The following MAGI2 variants were observed in gnomAD, a reference collection of about 807,000 sequenced individuals.
MAGI2 encodes the protein membrane associated guanylate kinase, WW and PDZ domain containing 2.
A neutral mutation model predicts 133.3 loss-of-function variants in MAGI2; 35 were observed. The observed-to-expected ratio is 0.26, with a 90% CI of 0.20 to 0.35. The LOEUF (loss-of-function observed/expected upper bound fraction) is 0.35. Among genes scored for constraint, MAGI2 ranks in the 10% least tolerant of loss-of-function variants. MAGI2 has a pLI of 1.00. For missense variants in MAGI2, 1,636 were observed against 1,863.4 expected, an observed-to-expected ratio of 0.88 and a Z score of 2.25; for synonymous variants, 729 against 710.6, an observed-to-expected ratio of 1.03 and a Z score of -0.41.
At chr7:79,086,461 C>A (rs1816501725) in intron 1 of MAGI2, among the ~76,000 whole-genome samples, 1 of 151,902 alleles carries the variant, frequency 6.6e-6, no homozygotes, top group South Asian at 2.1e-4. Context: ...GTTAAAATGG[C>A]ACAAAACTCA....
intron 5 of MAGI2, among the ~76,000 whole-genome samples, chr7:78,491,714 G>A (rs1035081709): frequency 1.3e-5 from 2 of 151,994 alleles, no homozygotes; most frequent in Non-Finnish European, 1.5e-5. Flanking sequence ...GTCAATATAA[G>A]CTAGCTTTTC....
chr7:79,364,388 T>A (rs1192949058), intron 1 of MAGI2, among the ~76,000 whole-genome samples: 3 of 152,098 alleles, frequency 2.0e-5, no homozygotes, highest in Non-Finnish European at 4.4e-5. Flanking sequence ...GTAATACATA[T>A]GTTAATTAGC....
rs535466339 is a variant in MAGI2, at chr7:78,501,597, C to G, written c.945G>C (p.Lys315Asn). 1.9e-6 allele frequency: 3 copies of G among 1,613,992 alleles called. No homozygotes were observed. The highest frequency in any genetic ancestry group is 1.7e-6 in the Non-Finnish European group (2 of 1,179,994). ...CTCACTCAATGAAGTAGACTTCGCCCTTCTCTGTATAGGCCATTTCCCAGT... is the reference window on the plus strand; with the variant it reads ...CTCACTCAATGAAGTAGACTTCGCCGTTCTCTGTATAGGCCATTTCCCAGT... ...PDNWEMAYTE[K>N]GEVYFIDHNT... is the part of the protein sequence containing the mutation. Residue 315 changes from lysine (K) to asparagine (N), a missense_variant, in exon 5 of 22, where the codon AAG (lysine) becomes AAC (asparagine). Lys to Asn is a moderately conservative substitution (Grantham distance 94, BLOSUM62 0). Transcript: ENST00000354212.
chr7:78,975,366 T>C (rs956298107), intron 2 of MAGI2, among the ~76,000 whole-genome samples: 13 of 151,626 alleles, frequency 8.6e-5, no homozygotes, highest in African/African-American at 2.9e-4. Context: ...ATCAACAATA[T>C]AAGACGTTTG....
At chr7:78,285,370 ACAATT>A (rs779267070) in intron 9 of MAGI2, among the ~76,000 whole-genome samples, 4 of 152,304 alleles carry the variant, frequency 2.6e-5, no homozygotes, top group African/African-American at 9.6e-5. Flanking sequence ...AATGAACAAA[ACAATT>A]CAATTTTTTG....
At chr7:78,303,737 G>C (rs898027923) in intron 9 of MAGI2, among the ~76,000 whole-genome samples, 1 of 151,922 alleles carries the variant, frequency 6.6e-6, no homozygotes, top group East Asian at 1.9e-4. Flanking sequence ...AAATGTTAGG[G>C]GTTTATTCTA....
chr7:78,229,994 G>C (rs912429136), intron 10 of MAGI2, among the ~76,000 whole-genome samples: 2 of 152,224 alleles, frequency 1.3e-5, no homozygotes, highest in Non-Finnish European at 2.9e-5. Context: ...TCAGTTAACA[G>C]TGCCTACGTT....
chr7:78,191,148 A>C (rs1349319201), intron 12 of MAGI2, among the ~76,000 whole-genome samples: 1 of 152,136 alleles, frequency 6.6e-6, no homozygotes, highest in Admixed American at 6.5e-5. Flanking sequence ...AAACTTTTTT[A>C]GGGATTTTTT....
chr7:79,386,911 A>G (rs2129147145), intron 1 of MAGI2, among the ~76,000 whole-genome samples: 1 of 152,152 alleles, frequency 6.6e-6, no homozygotes, highest in East Asian at 1.9e-4. Context: ...ATTCTGAAGC[A>G]GAGAGTAAGC....
chr7:79,217,333 T>A (rs1267893134), intron 1 of MAGI2, among the ~76,000 whole-genome samples: 1 of 152,068 alleles, frequency 6.6e-6, no homozygotes, highest in Non-Finnish European at 1.5e-5. Context: ...CTCTAAATTT[T>A]ATACTTTAGT....
chr7:78,489,447 T>C (rs771742021), intron 6 of MAGI2, among the ~76,000 whole-genome samples: 30 of 152,000 alleles, frequency 2.0e-4, no homozygotes, highest in Admixed American at 4.6e-4. Flanking sequence ...AATTAAAAGA[T>C]CAGAGTCCTC....
intron 2 of MAGI2, among the ~76,000 whole-genome samples, chr7:79,001,422 T>G (rs868193503): frequency 2.0e-5 from 3 of 152,208 alleles, no homozygotes; most frequent in Admixed American, 2.0e-4. Context: ...TTAAAATTGG[T>G]CATTGAAGTC....
chr7:79,055,852 T>A (rs986320927), intron 1 of MAGI2, among the ~76,000 whole-genome samples: 7 of 152,158 alleles, frequency 4.6e-5, no homozygotes, highest in Non-Finnish European at 8.8e-5. Flanking sequence ...CACAACCTCT[T>A]GGTCCAGGTG....
At chr7:78,873,893 T>A (rs1018077611) in intron 2 of MAGI2, among the ~76,000 whole-genome samples, 1 of 152,004 alleles carries the variant, frequency 6.6e-6, no homozygotes, top group Admixed American at 6.6e-5. Flanking sequence ...GGTAATGATA[T>A]GGTCACAATG....
At chr7:78,198,199 G>C (rs1229767036) in intron 11 of MAGI2, among the ~76,000 whole-genome samples, 1 of 152,080 alleles carries the variant, frequency 6.6e-6, no homozygotes, top group Admixed American at 6.6e-5. Context: ...CAGTCCCAGT[G>C]GTGTCCACAC....
At chr7:78,490,131 T>A (rs1177904381) in intron 5 of MAGI2, 2 of 396,888 alleles carry the variant, frequency 5.0e-6, no homozygotes, top group Non-Finnish European at 8.9e-6. Context: ...AAAAGGAATT[T>A]ATTACAAATA....
At chr7:79,337,180 AC>A (rs1363494746) in intron 1 of MAGI2, among the ~76,000 whole-genome samples, 4 of 152,140 alleles carry the variant, frequency 2.6e-5, no homozygotes, top group African/African-American at 4.8e-5. Flanking sequence ...AGTATTTAAG[AC>A]CCTTAGTAAA....
chr7:79,230,503 A>G (rs1216283331), intron 1 of MAGI2, among the ~76,000 whole-genome samples: 1 of 151,716 alleles, frequency 6.6e-6, no homozygotes, highest in Non-Finnish European at 1.5e-5. Flanking sequence ...GTGAGATGGT[A>G]TCTCATTGTG....
intron 20 of MAGI2, among the ~76,000 whole-genome samples, chr7:78,102,558 A>G (rs1818298595): frequency 6.6e-6 from 1 of 152,148 alleles, no homozygotes. Context: ...CCTTTCCCCC[A>G]CAAAAAGACA....
Sources: allele counts gnomAD v4.1 joint callset (sites outside exome capture counted in the v4.1 genomes callset), GRCh38; gene constraint gnomAD v4.1.1; transcripts MANE v1.5; gene names NCBI Gene and HGNC (gene_info 2026-07-23, HGNC 2026-07-21).